TENM3: variants seen among roughly 807,000 people sequenced by gnomAD.
TENM3 encodes teneurin transmembrane protein 3, also known as teneurin-3.
A neutral mutation model predicts 255.1 loss-of-function variants in TENM3; 63 were observed. The observed-to-expected ratio is 0.25, with a 90% CI of 0.20 to 0.30. The LOEUF (loss-of-function observed/expected upper bound fraction) is 0.30, where lower values mean the gene tolerates loss of function less well. TENM3 is among the 10% of genes least tolerant of loss of function. The pLI, the probability that TENM3 is intolerant of heterozygous loss-of-function variation, is 1.00. For synonymous variants in TENM3, 1,306 were observed against 1,322.3 expected, an observed-to-expected ratio of 0.99 and a Z score of 0.27; for missense variants, 2,929 against 3,461.1, an observed-to-expected ratio of 0.85 and a Z score of 3.86.
the TENM3 span, among the ~76,000 whole-genome samples, chr4:181,927,590 G>A: frequency 1.3e-5 from 2 of 152,204 alleles, no homozygotes; most frequent in South Asian, 4.1e-4. Context: ...GTAGCTGTGG[G>A]CGCAGCTTCA....
intron 3 of TENM3, among the ~76,000 whole-genome samples, chr4:182,409,653 G>A (rs1316859891): frequency 6.6e-6 from 1 of 152,158 alleles, no homozygotes; most frequent in Non-Finnish European, 1.5e-5. Flanking sequence ...ATAGATATTA[G>A]CTAGAGGAGG....
At chr4:181,890,697 A>T in the TENM3 span, among the ~76,000 whole-genome samples, 1 of 152,158 alleles carries the variant, frequency 6.6e-6, no homozygotes, top group Admixed American at 6.6e-5. Context: ...AGCAAGCAGA[A>T]TATAGTCTTG....
chr4:182,605,074 C>A (rs1748278369), intron 4 of TENM3, among the ~76,000 whole-genome samples: 1 of 152,138 alleles, frequency 6.6e-6, no homozygotes, highest in South Asian at 2.1e-4. Context: ...CACACCGGGT[C>A]TGAGTCAGCC....
the TENM3 span, among the ~76,000 whole-genome samples, chr4:181,484,784 G>T: frequency 1.3e-5 from 2 of 152,150 alleles, no homozygotes; most frequent in South Asian, 4.1e-4. Flanking sequence ...TCTTTGAAAA[G>T]GATAAGGGAA....
chr4:181,594,398 A>G, the TENM3 span, among the ~76,000 whole-genome samples: 3 of 152,108 alleles, frequency 2.0e-5, no homozygotes, highest in Non-Finnish European at 2.9e-5. Flanking sequence ...TCAATGGTCC[A>G]CTCTCAAGCT....
the TENM3 span, among the ~76,000 whole-genome samples, chr4:181,658,318 C>G: frequency 6.6e-6 from 1 of 152,012 alleles, no homozygotes; most frequent in Non-Finnish European, 1.5e-5. Flanking sequence ...GGGAGATTGG[C>G]GGAACCACTG....
At chr4:181,600,142 A>G in the TENM3 span, among the ~76,000 whole-genome samples, 659 of 152,344 alleles carry the variant, frequency 4.3e-3, 7 homozygotes, top group African/African-American at 0.015. Flanking sequence ...AGATTAAGCT[A>G]CATTGTTCCT....
At chr4:182,348,280 A>G (rs866253852) in intron 3 of TENM3, among the ~76,000 whole-genome samples, 3 of 152,312 alleles carry the variant, frequency 2.0e-5, no homozygotes, top group South Asian at 4.1e-4. Flanking sequence ...CAGAATCAGG[A>G]TGCCAACATT....
At chr4:182,711,627 C>T in intron 12 of TENM3, 1 of 904,616 alleles carries the variant, frequency 1.1e-6, no homozygotes, top group South Asian at 5.1e-5. Context: ...TCTTTGTTGA[C>T]ATATCTACAT....
At chr4:182,423,590 T>C (rs762857430) in intron 3 of TENM3, among the ~76,000 whole-genome samples, 1 of 152,130 alleles carries the variant, frequency 6.6e-6, no homozygotes, top group Non-Finnish European at 1.5e-5. Context: ...GAGAGAACAA[T>C]GCCACTGTAA....
intron 3 of TENM3, among the ~76,000 whole-genome samples, chr4:182,519,577 T>TA (rs1738351361): frequency 6.6e-6 from 1 of 152,224 alleles, no homozygotes; most frequent in African/African-American, 2.4e-5. Context: ...TTACATTTGT[T>TA]AAGTGAAGGA....
At chr4:181,576,450 G>T in the TENM3 span, among the ~76,000 whole-genome samples, 1 of 152,104 alleles carries the variant, frequency 6.6e-6, no homozygotes, top group Non-Finnish European at 1.5e-5. Flanking sequence ...CCCAGTAGTG[G>T]GATTGCTGGA....
the TENM3 span, among the ~76,000 whole-genome samples, chr4:181,902,471 G>A: frequency 7.9e-5 from 12 of 152,130 alleles, no homozygotes; most frequent in African/African-American, 9.7e-5. Context: ...ACACATGCAC[G>A]CGTATGTTTA....
In TENM3 at chr4:182,784,524, C is replaced by G. The variant is rs1278549754; in HGVS notation, c.5305-4569C>G. ...GTCTTTTTGTTTGTCTGTGCCCTGC[C>G]CCCAGAGGTGGAGCCTACAGAGGCA... On this transcript the variant is annotated intron_variant, in intron 24 of 27. Transcript: ENST00000511685. Among the ~76,000 whole-genome samples the G allele has an allele frequency of 2.6e-5, 4 of 151,790 alleles. No individual in the cohort carries two copies. In the South Asian group the frequency reaches 8.4e-4, roughly 32 times the overall value.
At chr4:182,089,982 C>T in the TENM3 span, among the ~76,000 whole-genome samples, 23 of 152,248 alleles carry the variant, frequency 1.5e-4, no homozygotes, top group Middle Eastern at 3.4e-3. Flanking sequence ...TTGACTCAGT[C>T]CATCTAATTC....
chr4:182,718,443 C>G (rs977406602), intron 13 of TENM3, among the ~76,000 whole-genome samples: 1 of 152,138 alleles, frequency 6.6e-6, no homozygotes, highest in Admixed American at 6.5e-5. Flanking sequence ...GCCTCACTCT[C>G]GTTGGTCTGA....
chr4:182,220,378 C>CAAAAAA (rs60851113), intron 1 of TENM3, among the ~76,000 whole-genome samples: 3,766 of 77,382 alleles, frequency 0.049, 548 homozygotes, highest in Non-Finnish European at 0.063. Context: ...CTCTGTCTCA[C>CAAAAAA]AAAAAAAAAA....
chr4:181,787,620 G>A, the TENM3 span, among the ~76,000 whole-genome samples: 7 of 152,042 alleles, frequency 4.6e-5, no homozygotes, highest in African/African-American at 4.8e-5. Context: ...GATTACAAGC[G>A]TGAGCCACTG....
chr4:181,962,752 G>A, the TENM3 span, among the ~76,000 whole-genome samples: 1 of 152,194 alleles, frequency 6.6e-6, no homozygotes, highest in African/African-American at 2.4e-5. Flanking sequence ...AGTGATGCTT[G>A]AAGTAAGAGA....
Sources: allele counts gnomAD v4.1 joint callset (sites outside exome capture counted in the v4.1 genomes callset), GRCh38; gene constraint gnomAD v4.1.1; transcripts MANE v1.5; gene names NCBI Gene and HGNC (gene_info 2026-07-23, HGNC 2026-07-21).